Variants in CHD8 observed in about 807,000 individuals in gnomAD.
CHD8 encodes the protein chromodomain helicase DNA binding protein 8.
A neutral mutation model predicts 279.2 loss-of-function variants in CHD8; 31 were observed. The ratio of observed to expected loss-of-function variants is 0.11; its 90% CI spans 0.08 to 0.15. The LOEUF is 0.15. CHD8 is among the 10% of genes least tolerant of loss of function. The pLI, the probability that CHD8 is intolerant of heterozygous loss-of-function variation, is 1.00. For synonymous variants in CHD8, 1,081 were observed against 1,139.6 expected (o/e 0.95, Z 1.04); for missense variants, 2,146 against 3,230.5 (o/e 0.66, Z 8.14).
At chr14:21,409,027 A>AACCTGATGGAAGGACACACC (rs1462581700) in intron 11 of CHD8, among the ~76,000 whole-genome samples, 2 of 152,180 alleles carry the variant, frequency 1.3e-5, no homozygotes, top group African/African-American at 4.8e-5. Context: ...CACAAAACAC[A>AACCTGATGGAAGGACACACC]ACCTGATGGA....
intron 1 of CHD8, among the ~76,000 whole-genome samples, chr14:21,452,487 T>C (rs890466214): frequency 1.3e-5 from 2 of 150,904 alleles, no homozygotes; most frequent in African/African-American, 4.9e-5. Context: ...CTGCTAAAAA[T>C]ACAAAAAATT....
Position 21,408,615 on chromosome 14 carries a change from A to G in CHD8, c.2487-60T>C, listed in dbSNP as rs1035897683. 5.1e-6 allele frequency: 8 copies of G among 1,566,408 alleles called. No individual in the cohort carries two copies. The highest frequency in any genetic ancestry group is 6.9e-6 in the Non-Finnish European group (8 of 1,156,946). On this transcript the variant is annotated intron_variant, in intron 12 of 37. Coordinates refer to ENST00000646647, the MANE Select transcript of CHD8 (RefSeq NM_001170629.2). The surrounding 1 kb of genome is among the most constrained non-coding windows in gnomAD (Gnocchi z 4.3). The stretch of plus-strand genomic sequence containing the variant: ...AAGATACTATCTTTAAAAAAAATAG[A>G]GTATGTAGGAAGAAATTGTTTCAAT...
chr14:21,409,894 T>G lies in CHD8; in HGVS notation c.2321A>C (p.Glu774Ala). The G allele has an allele frequency of 6.2e-7, 1 of 1,613,828 alleles. No individual in the cohort carries two copies. The change falls in exon 11 of 38, where the codon GAA becomes GCA. Residue 774 changes from glutamate to alanine, a missense_variant. This residue lies in a region of CHD8 where 211 missense variants were observed against 464.7 expected (regional missense o/e 0.45). Transcript: ENST00000646647. ...KEDVDEGKIR[E>A]FKRIQSRHPE... Reference sequence around the variant, plus strand: ...GTGCCTTGACTGAATCCGTTTAAATTCTCGAATCTTGCCCTCATCAACATC... The same window carrying G: ...GTGCCTTGACTGAATCCGTTTAAATGCTCGAATCTTGCCCTCATCAACATC...
Position 21,391,560 on chromosome 14 carries a change from C to T in CHD8, c.6968G>A (p.Gly2323Asp). 1 of 1,613,744 alleles carries T rather than the reference C, an allele frequency of 6.2e-7. No individual in the cohort carries two copies. Among genetic ancestry groups the T allele is most frequent in the Non-Finnish European group, 8.5e-7 (1 of 1,179,784 alleles). Residue 2323 changes from glycine (G) to aspartate (D), a missense_variant, in exon 36 of 38, where the codon GGT becomes GAT. By Grantham distance (94) the Gly-to-Asp change is moderately conservative (BLOSUM62 -1). Transcript: ENST00000646647. ...TRIPVINKVD[G>D]TLLVGEDAPR... is the part of the protein sequence containing the mutation. ...GGCATCCTCACCCACCAGCAAAGTA[C>T]CATCCACCTTATTGATGACAGGGAT...
Position 21,401,390 on chromosome 14 carries a change from AG to A in CHD8, c.4173+12del, listed in dbSNP as rs1566421552. ...TCTTCTGCGATACTTCCTCCCTAAA[AG>A]AAGAAACTCACCTTGCTGTTGAGCA... On this transcript the variant is annotated intron_variant, in intron 21 of 37. Coordinates refer to ENST00000646647, the MANE Select transcript of CHD8 (RefSeq NM_001170629.2). The A allele has an allele frequency of 6.6e-7, 1 of 1,520,006 alleles. No individual in the cohort carries two copies. Among genetic ancestry groups the A allele is most frequent in the Admixed American group, 2.1e-5 (1 of 46,816 alleles). 94.2% of individuals were successfully genotyped at this position (1,520,006 alleles called of 1,614,324 possible). A position where few individuals can be genotyped will look rare whatever the true frequency, so the allele number is the denominator to read the frequency against.
At chr14:21,428,581 A>C (rs1227331563) in intron 3 of CHD8, among the ~76,000 whole-genome samples, 1 of 151,808 alleles carries the variant, frequency 6.6e-6, no homozygotes, top group African/African-American at 2.4e-5. Context: ...TTCAAATTCT[A>C]CTCTTGGCCT....
At chr14:21,450,942 T>C (rs1289817608) in intron 1 of CHD8, among the ~76,000 whole-genome samples, 1 of 152,192 alleles carries the variant, frequency 6.6e-6, no homozygotes, top group East Asian at 1.9e-4. Context: ...GGAAATTATC[T>C]GGTAATTTCA....
intron 1 of CHD8, among the ~76,000 whole-genome samples, chr14:21,447,243 G>GC (rs1292899046): frequency 1.6e-4 from 24 of 152,154 alleles, no homozygotes; most frequent in Admixed American, 6.5e-5. Context: ...ATAAAAGACT[G>GC]TTTTCTAGAG....
At position 21,385,715 on chromosome 14, in the gene CHD8, A is replaced by G. The variant is rs1208988746; in HGVS notation, c.7644T>C (p.Asp2548=). 4.5e-6 allele frequency: 7 copies of G among 1,551,838 alleles called. No homozygotes were observed. Among genetic ancestry groups the G allele is most frequent in the East Asian group, 2.4e-5 (1 of 40,912 alleles). Residue 2548 remains aspartate, a synonymous_variant, in exon 38 of 38, where the codon GAT becomes GAC. Transcript: ENST00000646647. ...AGCTATCATAGCCCTGAGATAAGTC[A>G]TCATCATCTTCTTCATCCTCATCGT... is the stretch of plus-strand genomic sequence containing the variant. ...EDDDEDEEDD[D]DLSQGYDSSE...
intron 1 of CHD8, among the ~76,000 whole-genome samples, chr14:21,438,556 C>T (rs924852998): frequency 1.5e-4 from 22 of 150,414 alleles, no homozygotes; most frequent in African/African-American, 4.6e-4. Flanking sequence ...AGAAAGATGC[C>T]GGGCGCAGTG....
chr14:21,397,194 G>A (rs1001524876), intron 27 of CHD8: 4 of 302,438 alleles, frequency 1.3e-5, no homozygotes, highest in Non-Finnish European at 2.8e-5. Context: ...TTTCCTTTGA[G>A]GGTCCTACAC....
chr14:21,439,977 CCAAGTAATCTG>C lies in CHD8; in HGVS notation c.-215-8130_-215-8120del, dbSNP rs1277395854. Among the ~76,000 whole-genome samples the C allele has an allele frequency of 2.6e-5, 4 of 152,206 alleles. No homozygotes were observed. In the East Asian group the frequency reaches 7.7e-4, roughly 29 times the overall value. On this transcript the variant is annotated intron_variant, in intron 1 of 37. Transcript: ENST00000646647. ...CAATATGTATTGAGTATGTAACATG[CCAAGTAATCTG>C]CTAGCATTAGGGATCCAAAAACAAG...
At chr14:21,409,267 TA>T (rs34055472) in intron 11 of CHD8, among the ~76,000 whole-genome samples, 1 of 152,162 alleles carries the variant, frequency 6.6e-6, no homozygotes, top group Non-Finnish European at 1.5e-5. Flanking sequence ...AGAGAACATG[TA>T]AAAAAGTACC....
At chr14:21,393,019 C>T in intron 33 of CHD8, 87 bp downstream of exon 33, 1 of 1,430,694 alleles carries the variant, frequency 7.0e-7, no homozygotes, top group East Asian at 2.4e-5. Flanking sequence ...TTTTAAAAAT[C>T]CAGAACCATA....
chr14:21,428,854 A>G, intron 3 of CHD8, 110 bp downstream of exon 3: 1 of 923,038 alleles, frequency 1.1e-6, no homozygotes, highest in East Asian at 2.6e-5. Flanking sequence ...CAGTTCAGAG[A>G]TATAAATCTA....
chr14:21,429,568 A>C, intron 2 of CHD8: 1 of 641,184 alleles, frequency 1.6e-6, no homozygotes. Context: ...CAGGCACAAC[A>C]CTACTGCTGA....
Position 21,385,955 on chromosome 14 carries a change from T to A in CHD8, c.7404A>T (p.Ala2468=). The change falls in exon 38 of 38, where the codon GCA becomes GCT. Residue 2468 remains alanine, a synonymous_variant. Coordinates refer to ENST00000646647, the MANE Select transcript of CHD8 (RefSeq NM_001170629.2). ...SSLGHSSATS[A]SLPFMPFVMG... Reference sequence around the variant, plus strand: ...TCACAAATGGCATAAAAGGCAAAGATGCAGAAGTGGCACTGCTGTGACCCA... The same window carrying A: ...TCACAAATGGCATAAAAGGCAAAGAAGCAGAAGTGGCACTGCTGTGACCCA... The A allele has an allele frequency of 5.1e-6, 8 of 1,559,230 alleles. No homozygotes were observed. The highest frequency in any genetic ancestry group is 7.0e-6 in the Non-Finnish European group (8 of 1,150,876).
chr14:21,426,092 G>T lies in CHD8; in HGVS notation c.1716+36C>A, dbSNP rs143279762. 499 of 1,237,664 alleles carry T rather than the reference G, an allele frequency of 4.0e-4. 4 individuals are homozygous for T. The East Asian group carries it at 0.012, about 29-fold the overall frequency. 76.7% of individuals were successfully genotyped at this position (1,237,664 alleles called of 1,614,324 possible). On this transcript the variant is annotated intron_variant, in intron 5 of 37. Coordinates refer to ENST00000646647, the MANE Select transcript of CHD8 (RefSeq NM_001170629.2). ...GGCTTGGTTAGCCATAATTAAACATGGTTTTTTCTACTAAATTCTTTTGGG... is the reference window on the plus strand; with the variant it reads ...GGCTTGGTTAGCCATAATTAAACATTGTTTTTTCTACTAAATTCTTTTGGG...
In CHD8 at chr14:21,405,565, G is replaced by A; in HGVS notation, c.3052-101C>T. On this transcript the variant is annotated intron_variant, in intron 15 of 37. Transcript: ENST00000646647. This position sits in a 1 kb window ranked among gnomAD's most constrained non-coding sequence, Gnocchi z 4.2. ...AAAATTAGAGTTTTCCACTATCTAA[G>A]AAATGTATACTTTGGATGATGCCAC... is the stretch of plus-strand genomic sequence containing the variant. 6.7e-7 allele frequency: 1 copy of A among 1,500,826 alleles called. No individual in the cohort carries two copies. Among genetic ancestry groups the A allele is most frequent in the South Asian group, 1.3e-5 (1 of 76,830 alleles). The allele number at this position is 1,500,826 out of a possible 1,614,324, so 93.0% of individuals were successfully genotyped here. A position where few individuals can be genotyped will look rare whatever the true frequency, so the allele number is the denominator to read the frequency against.
Sources: gnomAD v4.1 joint callset for allele counts (sites outside exome capture counted in the v4.1 genomes callset) on GRCh38, gnomAD v4.1.1 for gene constraint, gnomAD v4.1.1 regional missense constraint, Gnocchi (gnomAD v3.1) non-coding constraint, MANE v1.5 for transcripts, NCBI Gene and HGNC (gene_info 2026-07-23, HGNC 2026-07-21) for gene names.